ANKRD26: variants seen among roughly 807,000 people sequenced by gnomAD.
ANKRD26 encodes the protein ankyrin repeat domain-containing protein 26.
Under a neutral mutation model 208.7 loss-of-function variants are expected in ANKRD26, and 141 were observed. That is an observed-to-expected ratio of 0.68 (90% CI 0.59 to 0.78). The LOEUF is 0.78. Among genes scored for constraint, ANKRD26 ranks in the 30% least tolerant of loss-of-function variants. The pLI is 0.00. For missense variants in ANKRD26, 1,889 were observed against 1,938.7 expected (o/e 0.97, Z 0.48); for synonymous variants, 636 against 660.4 (o/e 0.96, Z 0.57).
At chr10:27,002,613 C>T (rs75500857), downstream of ANKRD26, among the ~76,000 whole-genome samples, 1 of 152,094 alleles carries the variant, frequency 6.6e-6, no homozygotes, top group African/African-American at 2.4e-5. Flanking sequence ...TGACCCTGAA[C>T]TGGGATAAGC....
chr10:27,048,958 G>GT lies in ANKRD26; in HGVS notation c.1656dup (p.His553ThrfsTer4). The GT allele has an allele frequency of 6.2e-7, 1 of 1,603,300 alleles. No individual in the cohort carries two copies. On this transcript the variant is annotated frameshift_variant, in exon 17 of 34. Coordinates refer to ENST00000376087, the MANE Select transcript of ANKRD26 (RefSeq NM_014915.3). LOFTEE classifies it high-confidence loss of function. ...GATACTTCCATTTCATTATTTCTGT[G>GT]TTTTTTCCTTTCTTCTTCAACCTTT... is the stretch of plus-strand genomic sequence containing the variant.
chr10:27,029,071 G>C (rs931861170), intron 26 of ANKRD26, 126 bp from the exon 27 acceptor site: 16 of 1,006,416 alleles, frequency 1.6e-5, no homozygotes, highest in Admixed American at 7.7e-5. Context: ...AGGTGATTTG[G>C]CAACTCTATC....
chr10:26,974,696 C>A (rs2052199676), exon 6 of ANKRD26, among the ~76,000 whole-genome samples: 1 of 152,152 alleles, frequency 6.6e-6, no homozygotes, highest in Non-Finnish European at 1.5e-5. Flanking sequence ...TTACTTTAGT[C>A]CCTTGGTAAT....
At chr10:26,993,184 T>A (rs2052520326) in intron 5 of ANKRD26, among the ~76,000 whole-genome samples, 1 of 152,122 alleles carries the variant, frequency 6.6e-6, no homozygotes, top group South Asian at 2.1e-4. Context: ...TTTGGCAGGG[T>A]CTGAATTACT....
intron 21 of ANKRD26, 139 bp downstream of exon 21, chr10:27,039,826 T>C (rs1056949991): frequency 5.7e-6 from 4 of 707,238 alleles, no homozygotes; most frequent in Non-Finnish European, 9.6e-6. Context: ...AGTTATATTA[T>C]TTCCAAGAAT....
chr10:27,026,968 TAG>T (rs969205523), intron 27 of ANKRD26, among the ~76,000 whole-genome samples: 12 of 152,174 alleles, frequency 7.9e-5, no homozygotes. Flanking sequence ...GTATTTACAG[TAG>T]AGACAGGGTT....
intron 5 of ANKRD26, among the ~76,000 whole-genome samples, chr10:27,085,749 T>C (rs763567041): frequency 1.3e-5 from 2 of 152,076 alleles, no homozygotes; most frequent in African/African-American, 4.8e-5. Context: ...AATCCACCTA[T>C]ATGTGGATTT....
At chr10:27,041,484 T>A (rs2054238197) in intron 20 of ANKRD26, among the ~76,000 whole-genome samples, 1 of 151,836 alleles carries the variant, frequency 6.6e-6, no homozygotes, top group South Asian at 2.1e-4. Context: ...GCCTCAGGAG[T>A]GGGGAATTAG....
At chr10:27,026,500 G>A (rs540875562) in intron 27 of ANKRD26, among the ~76,000 whole-genome samples, 41 of 152,290 alleles carry the variant, frequency 2.7e-4, no homozygotes, top group African/African-American at 9.6e-4. Flanking sequence ...AAAAAAACTT[G>A]TCAATGTTTC....
In ANKRD26 at chr10:27,017,562, A is replaced by T. The variant is rs775323030; in HGVS notation, c.4446T>A (p.Ile1482=). The part of the protein sequence containing the change: ...LGQVKQYKQE[I]EERARQEIAE... Reference sequence around the variant, plus strand: ...CTATTTCCTGTCTTGCTCTTTCTTCAATCTCCTGTTTATACTGTTTGACTT... The same window carrying T: ...CTATTTCCTGTCTTGCTCTTTCTTCTATCTCCTGTTTATACTGTTTGACTT... Residue 1482 remains isoleucine (I), a synonymous_variant, in exon 30 of 34, where the codon ATT becomes ATA. Transcript: ENST00000376087. The T allele has an allele frequency of 1.2e-6, 2 of 1,613,664 alleles. No homozygotes were observed. The highest frequency in any genetic ancestry group is 2.2e-5 in the East Asian group (1 of 44,768).
At position 27,065,926 on chromosome 10, in the gene ANKRD26, C is replaced by T. The variant is rs967146428; in HGVS notation, c.1269+561G>A. On this transcript the variant is annotated intron_variant, in intron 11 of 33. Transcript: ENST00000376087. ...CTGTTGCCAGGATGGAGTGCAGCAG[C>T]GCGATCTCAGCTCACTACAACCTCT... Among the ~76,000 whole-genome samples the T allele has an allele frequency of 1.5e-4, 20 of 135,002 alleles. 1 individual carries two copies. The highest frequency in any genetic ancestry group is 1.8e-4 in the Admixed American group (2 of 11,358). 88.6% of individuals were successfully genotyped at this position (135,002 alleles called of 152,430 possible). A position where few individuals can be genotyped will look rare whatever the true frequency, so the allele number is the denominator to read the frequency against.
intron 25 of ANKRD26, among the ~76,000 whole-genome samples, chr10:27,031,337 T>C (rs1459761368): frequency 1.3e-5 from 2 of 152,156 alleles, no homozygotes; most frequent in African/African-American, 2.4e-5. Flanking sequence ...AGCCATACAA[T>C]AGAATATTAT....
chr10:26,995,268 A>C, intron 4 of ANKRD26: 1 of 442,404 alleles, frequency 2.3e-6, no homozygotes, highest in South Asian at 1.7e-5. Flanking sequence ...AGAGTTTAGA[A>C]GGGTCTCAAG....
intron 12 of ANKRD26, among the ~76,000 whole-genome samples, chr10:27,061,475 C>T (rs1448263501): frequency 3.3e-5 from 5 of 151,406 alleles, no homozygotes; most frequent in African/African-American, 1.2e-4. Context: ...AAACAGCTAT[C>T]GTTATCAAAA....
chr10:27,086,420 T>C (rs979294305), intron 5 of ANKRD26, 119 bp downstream of exon 5: 33 of 1,272,306 alleles, frequency 2.6e-5, no homozygotes, highest in Middle Eastern at 2.0e-4. Flanking sequence ...TAAGAAAAAA[T>C]ACACATGCAC....
At chr10:27,067,421 G>GTTTT in intron 9 of ANKRD26, 135 bp from the exon 10 acceptor site, 1 of 799,384 alleles carries the variant, frequency 1.3e-6, no homozygotes, top group Non-Finnish European at 1.8e-6. Flanking sequence ...TGGGGGCATA[G>GTTTT]TTTTTTTTTT....
chr10:26,995,038 T>C lies in ANKRD26; in HGVS notation c.*29+3A>G, dbSNP rs770911558. 5.5e-5 allele frequency: 26 copies of C among 471,074 alleles called. 1 individual carries two copies. The highest frequency in any genetic ancestry group is 3.9e-4 in the South Asian group (25 of 64,526). The allele number at this position is 471,074 out of a possible 1,614,324, so 29.2% of individuals were successfully genotyped here. On this transcript the variant is annotated splice_donor_region_variant and intron_variant, in intron 5 of 5. Transcript: ENST00000445828. ...CCCTCTTAAATCAGACCCATCTGCA[T>C]ACCAGTCTATCTCAGCATTATCCAG...
the ANKRD26 span, among the ~76,000 whole-genome samples, chr10:26,957,696 G>A: frequency 6.6e-6 from 1 of 152,154 alleles, no homozygotes; most frequent in Non-Finnish European, 1.5e-5. Context: ...TCGTTTGGGG[G>A]CTTTTTGGTT....
chr10:27,035,237 A>G lies in ANKRD26; in HGVS notation c.3213T>C (p.Ser1071=). 1 of 1,613,998 alleles carries G rather than the reference A, an allele frequency of 6.2e-7. No homozygotes were observed. The highest frequency in any genetic ancestry group is 8.5e-7 in the Non-Finnish European group (1 of 1,179,916). The change falls in exon 24 of 34, where the codon AGT becomes AGC. Residue 1071 remains serine, a synonymous_variant. Transcript: ENST00000376087. The part of the protein sequence containing the change: ...ILSQQLFKTE[S]KLNSLEIEFH... ...ACTCAATTTCTAGGCTATTGAGTTT[A>G]CTTTCAGTTTTAAATAGTTGTTGAG... is the stretch of plus-strand genomic sequence containing the variant.
Sources: allele counts gnomAD v4.1 joint callset (sites outside exome capture counted in the v4.1 genomes callset), GRCh38; gene constraint gnomAD v4.1.1; transcripts MANE v1.5; gene names NCBI Gene and HGNC (gene_info 2026-07-23, HGNC 2026-07-21).